FNDC3B: variants seen among roughly 807,000 people sequenced by gnomAD.
FNDC3B encodes fibronectin type III domain-containing protein 3B.
FNDC3B carries 12 observed loss-of-function variants against 151.5 expected under a neutral mutation model. That is an observed-to-expected ratio of 0.08 (90% CI 0.05 to 0.13). The LOEUF (loss-of-function observed/expected upper bound fraction) is 0.13. Ranked by LOEUF, FNDC3B falls within the 10% of genes least tolerant of loss-of-function variation. The pLI is 1.00. For synonymous variants in FNDC3B, 528 were observed against 549.0 expected, an observed-to-expected ratio of 0.96 and a Z score of 0.54; for missense variants, 1,214 against 1,505.3, an observed-to-expected ratio of 0.81 and a Z score of 3.20.
At chr3:172,145,455 A>G (rs1473172122) in intron 3 of FNDC3B, among the ~76,000 whole-genome samples, 1 of 152,202 alleles carries the variant, frequency 6.6e-6, no homozygotes, top group African/African-American at 2.4e-5. Context: ...ATACGCATAC[A>G]CTTATCTCAT....
chr3:172,205,552 G>A (rs1376744311), intron 3 of FNDC3B, among the ~76,000 whole-genome samples: 1 of 152,176 alleles, frequency 6.6e-6, no homozygotes, highest in African/African-American at 2.4e-5. Context: ...TGTGGAGTGT[G>A]GAATTGAAGT....
chr3:172,194,399 G>T lies in FNDC3B; in HGVS notation c.188-32472G>T, dbSNP rs145446876. Among the ~76,000 whole-genome samples, 822 of 152,294 alleles carry T rather than the reference G, an allele frequency of 5.4e-3. 4 individuals are homozygous for T. Among genetic ancestry groups the T allele is most frequent in the African/African-American group, 0.019 (781 of 41,546 alleles). ...GTTGATGGATGACCTTACCTGTCAA[G>T]TGAAATGAGACATGTTTTTGTTTTT... On this transcript the variant is annotated intron_variant, in intron 3 of 25. Coordinates refer to ENST00000415807, the MANE Select transcript of FNDC3B (RefSeq NM_022763.4).
At chr3:172,368,761 AACAC>A (rs1479976323) in intron 23 of FNDC3B, among the ~76,000 whole-genome samples, 1 of 152,226 alleles carries the variant, frequency 6.6e-6, no homozygotes, top group Non-Finnish European at 1.5e-5. Flanking sequence ...CTGTAATCCC[AACAC>A]TTTGGAAGGC....
intron 6 of FNDC3B, among the ~76,000 whole-genome samples, chr3:172,270,965 A>G (rs1473246212): frequency 6.6e-6 from 1 of 152,214 alleles, no homozygotes; most frequent in Non-Finnish European, 1.5e-5. Context: ...TGAGGAACTG[A>G]AATGCCAGGT....
chr3:172,262,717 G>T (rs991064693), intron 6 of FNDC3B, among the ~76,000 whole-genome samples: 1 of 150,126 alleles, frequency 6.7e-6, no homozygotes, highest in Non-Finnish European at 1.5e-5. Flanking sequence ...AGCCTGGACA[G>T]CATAGCAAGA....
intron 2 of FNDC3B, among the ~76,000 whole-genome samples, chr3:172,130,778 G>A (rs1274491189): frequency 2.0e-5 from 3 of 152,174 alleles, no homozygotes; most frequent in East Asian, 1.9e-4. Context: ...AATTATGAGC[G>A]TGGTAGAAGA....
intron 9 of FNDC3B, among the ~76,000 whole-genome samples, chr3:172,303,226 G>A (rs1576890979): frequency 6.6e-6 from 1 of 152,076 alleles, no homozygotes; most frequent in Non-Finnish European, 1.5e-5. Context: ...ATCTTTATCA[G>A]CGATAGGATA....
intron 3 of FNDC3B, among the ~76,000 whole-genome samples, chr3:172,176,412 C>CG (rs1723596311): frequency 1.3e-5 from 2 of 152,194 alleles, no homozygotes; most frequent in Non-Finnish European, 2.9e-5. Context: ...AGTTAACCTT[C>CG]CATGGACTAT....
rs183869733 is a variant in FNDC3B at position 172,348,567 on chromosome 3, G to T, written c.2514+1206G>T. ...TACCAAGGCAGGATATAAATAAAGAGCTGTCTGCCACCCCAGTAAAGAGCT... is the reference window on the plus strand; with the variant it reads ...TACCAAGGCAGGATATAAATAAAGATCTGTCTGCCACCCCAGTAAAGAGCT... On this transcript the variant is annotated intron_variant, in intron 21 of 25. Coordinates refer to ENST00000415807, the MANE Select transcript of FNDC3B (RefSeq NM_022763.4). Among the ~76,000 whole-genome samples the T allele has an allele frequency of 5.2e-4, 79 of 152,280 alleles. 1 individual carries two copies. Among genetic ancestry groups the T allele is most frequent in the Admixed American group, 1.8e-3 (28 of 15,296 alleles).
intron 11 of FNDC3B, among the ~76,000 whole-genome samples, chr3:172,324,795 A>G (rs1308971358): frequency 7.2e-5 from 11 of 152,332 alleles, no homozygotes; most frequent in Admixed American, 7.2e-4. Flanking sequence ...CAGAATGATC[A>G]ATGGTGTTCA....
At chr3:172,321,238 T>C (rs1172402745) in intron 11 of FNDC3B, among the ~76,000 whole-genome samples, 3 of 152,236 alleles carry the variant, frequency 2.0e-5, no homozygotes, top group Non-Finnish European at 4.4e-5. Context: ...CCATTGCGTG[T>C]CTGGATTTAA....
chr3:172,097,520 A>G (rs935769836), intron 1 of FNDC3B, among the ~76,000 whole-genome samples: 12 of 152,256 alleles, frequency 7.9e-5, no homozygotes, highest in African/African-American at 2.7e-4. Context: ...GTTTTCTTAA[A>G]AAAGTTAACT....
At chr3:172,223,851 A>G (rs558139205) in intron 3 of FNDC3B, among the ~76,000 whole-genome samples, 3 of 152,378 alleles carry the variant, frequency 2.0e-5, no homozygotes, top group African/African-American at 7.2e-5. Flanking sequence ...AAGAATAATG[A>G]TAACTAGTAA....
At chr3:172,330,420 G>T in intron 12 of FNDC3B, 121 bp from the exon 13 acceptor site, 1 of 774,346 alleles carries the variant, frequency 1.3e-6, no homozygotes, top group African/African-American at 1.7e-5. Context: ...ATCCTTACCT[G>T]GCTTTGCTTA....
At chr3:172,123,123 C>T (rs1179541603) in intron 2 of FNDC3B, among the ~76,000 whole-genome samples, 2 of 152,188 alleles carry the variant, frequency 1.3e-5, no homozygotes, top group Non-Finnish European at 2.9e-5. Context: ...ACTGCAGCCT[C>T]AACCTTCTGG....
chr3:172,253,354 G>A (rs1424063611), intron 6 of FNDC3B, among the ~76,000 whole-genome samples: 2 of 152,192 alleles, frequency 1.3e-5, no homozygotes, highest in East Asian at 1.9e-4. Context: ...AAAGGCAAAC[G>A]TGAATCACAT....
chr3:172,053,916 G>A (rs1160460711), intron 1 of FNDC3B, among the ~76,000 whole-genome samples: 1 of 152,098 alleles, frequency 6.6e-6, no homozygotes, highest in East Asian at 1.9e-4. Context: ...GTACTTCATA[G>A]AAAGTAATGT....
Position 172,231,494 on chromosome 3 carries a change from C to T in FNDC3B, c.264+4547C>T, listed in dbSNP as rs535863851. On this transcript the variant is annotated intron_variant, in intron 4 of 25. Transcript: ENST00000415807. ...AAGGGGCAAGGGGAAGACAGTGACACGTCCCAGTTATGAATTGGGAAACAA... is the reference window on the plus strand; with the variant it reads ...AAGGGGCAAGGGGAAGACAGTGACATGTCCCAGTTATGAATTGGGAAACAA... Among the ~76,000 whole-genome samples the T allele has an allele frequency of 6.6e-5, 10 of 152,268 alleles. No homozygotes were observed. The South Asian group carries it at 1.2e-3, about 19-fold the overall frequency.
intron 23 of FNDC3B, among the ~76,000 whole-genome samples, chr3:172,375,977 A>G (rs1434218682): frequency 6.6e-6 from 1 of 152,224 alleles, no homozygotes; most frequent in Non-Finnish European, 1.5e-5. Context: ...AGAGTCTTCA[A>G]GGTCACTCCC....
Sources: allele counts gnomAD v4.1 joint callset (sites outside exome capture counted in the v4.1 genomes callset), GRCh38; gene constraint gnomAD v4.1.1; transcripts MANE v1.5; gene names NCBI Gene and HGNC (gene_info 2026-07-23, HGNC 2026-07-21).